Variants in PRKG1 observed in about 807,000 individuals in gnomAD.
PRKG1 encodes protein kinase cGMP-dependent 1.
In PRKG1, 35 loss-of-function variants were observed where a neutral mutation model predicts 88.1. That is an observed-to-expected ratio of 0.40 (90% confidence interval 0.30 to 0.53). PRKG1 has a LOEUF of 0.53. Among genes scored for constraint, PRKG1 ranks in the 20% least tolerant of loss-of-function variants. PRKG1 has a pLI of 0.59. For missense variants in PRKG1, 540 were observed against 839.8 expected (o/e 0.64, Z 4.41); for synonymous variants, 303 against 292.5 (o/e 1.04, Z -0.37).
intron 9 of PRKG1, among the ~76,000 whole-genome samples, chr10:52,238,647 C>G (rs1025033628): frequency 6.7e-6 from 1 of 149,212 alleles, no homozygotes; most frequent in Non-Finnish European, 1.5e-5. Flanking sequence ...GTTAGAATGG[C>G]AATCATTAAA....
intron 5 of PRKG1, among the ~76,000 whole-genome samples, chr10:52,046,344 A>G (rs1845863130): frequency 6.6e-6 from 1 of 152,060 alleles, no homozygotes. Context: ...TACCTTTACA[A>G]ACACTGTTCT....
chr10:51,493,271 T>G (rs1014713859), intron 3 of PRKG1, among the ~76,000 whole-genome samples: 3 of 152,086 alleles, frequency 2.0e-5, no homozygotes, highest in Non-Finnish European at 4.4e-5. Context: ...TGCAGAAAAA[T>G]TTTACTTTGT....
chr10:51,592,785 C>A (rs535966692), intron 3 of PRKG1, among the ~76,000 whole-genome samples: 2 of 152,150 alleles, frequency 1.3e-5, no homozygotes, highest in African/African-American at 4.8e-5. Context: ...TGACTGGGGT[C>A]CAACTCAAAT....
chr10:51,628,068 CCTT>C (rs1839411709), intron 3 of PRKG1, among the ~76,000 whole-genome samples: 1 of 140,274 alleles, frequency 7.1e-6, no homozygotes, highest in Non-Finnish European at 1.6e-5. Context: ...TTCTTTCTTT[CCTT>C]CTTTCTTTCT....
At chr10:51,336,245 C>G (rs1159662836) in intron 2 of PRKG1, among the ~76,000 whole-genome samples, 1 of 152,048 alleles carries the variant, frequency 6.6e-6, no homozygotes, top group East Asian at 1.9e-4. Context: ...CCCAGCTACT[C>G]AGGAGGCTGA....
At chr10:51,890,586 AT>A (rs1315159456) in intron 4 of PRKG1, among the ~76,000 whole-genome samples, 1 of 152,238 alleles carries the variant, frequency 6.6e-6, no homozygotes, top group Non-Finnish European at 1.5e-5. Context: ...GTATTAAATC[AT>A]TTTTTGTAGA....
At chr10:51,085,029 C>T (rs1844212372) in intron 1 of PRKG1, among the ~76,000 whole-genome samples, 1 of 152,104 alleles carries the variant, frequency 6.6e-6, no homozygotes, top group African/African-American at 2.4e-5. Context: ...GACAATGCTT[C>T]TAAGTTTGGA....
chr10:51,786,050 A>T (rs1204545281), intron 3 of PRKG1, among the ~76,000 whole-genome samples: 1 of 152,186 alleles, frequency 6.6e-6, no homozygotes, highest in Non-Finnish European at 1.5e-5. Context: ...TAGATCTGAA[A>T]TTCCTGTAAA....
chr10:52,108,622 G>A lies in PRKG1; in HGVS notation c.936-25218G>A, dbSNP rs144473816. ...ACACCTAGTTTATTCCTCTTATGAT[G>A]TTGTTCACTAAATTATTCTAAGTAA... On this transcript the variant is annotated intron_variant, in intron 7 of 17. Transcript: ENST00000373980. Among the ~76,000 whole-genome samples the A allele has an allele frequency of 1.0e-2, 1,519 of 152,058 alleles. 23 individuals carry two copies. Among genetic ancestry groups the A allele is most frequent in the African/African-American group, 0.031 (1,295 of 41,480 alleles).
chr10:51,747,767 T>A (rs900311566), intron 3 of PRKG1, among the ~76,000 whole-genome samples: 1 of 152,110 alleles, frequency 6.6e-6, no homozygotes, highest in African/African-American at 2.4e-5. Flanking sequence ...ACTTAGGACT[T>A]TTTTTTGGAG....
chr10:51,604,726 G>A (rs1480068521), intron 3 of PRKG1, among the ~76,000 whole-genome samples: 1 of 152,214 alleles, frequency 6.6e-6, no homozygotes, highest in South Asian at 2.1e-4. Flanking sequence ...AAAACCCTAG[G>A]GGGAGCATGC....
intron 3 of PRKG1, among the ~76,000 whole-genome samples, chr10:51,585,936 G>A (rs911165390): frequency 6.6e-6 from 1 of 152,066 alleles, no homozygotes; most frequent in Admixed American, 6.6e-5. Context: ...GGTACACATG[G>A]CCGTAAAGAT....
chr10:51,907,284 T>C (rs190500055), intron 4 of PRKG1, among the ~76,000 whole-genome samples: 29 of 152,246 alleles, frequency 1.9e-4, no homozygotes, highest in Admixed American at 1.7e-3. Flanking sequence ...ACTCCATGCC[T>C]TTTCCCTGTT....
chr10:51,009,815 T>C (rs1842973224), intron 1 of PRKG1, among the ~76,000 whole-genome samples: 1 of 152,218 alleles, frequency 6.6e-6, no homozygotes, highest in Non-Finnish European at 1.5e-5. Context: ...CATTGTTCAA[T>C]ATGGAATCGT....
intron 3 of PRKG1, among the ~76,000 whole-genome samples, chr10:51,606,038 T>G (rs996356306): frequency 1.3e-5 from 2 of 152,196 alleles, no homozygotes; most frequent in Admixed American, 1.3e-4. Context: ...TTAAAAAAAT[T>G]TATCATTTTT....
intron 2 of PRKG1, among the ~76,000 whole-genome samples, chr10:51,200,816 G>A (rs1036505640): frequency 6.6e-6 from 1 of 152,124 alleles, no homozygotes; most frequent in East Asian, 1.9e-4. Flanking sequence ...CCACTGATGG[G>A]TTTAATATGC....
At chr10:51,966,011 A>G (rs1843558905) in intron 5 of PRKG1, among the ~76,000 whole-genome samples, 1 of 152,208 alleles carries the variant, frequency 6.6e-6, no homozygotes, top group Non-Finnish European at 1.5e-5. Context: ...TCAATTATAT[A>G]GTTATGCACC....
chr10:52,058,141 T>G (rs1334227734), intron 6 of PRKG1, among the ~76,000 whole-genome samples: 1 of 152,010 alleles, frequency 6.6e-6, no homozygotes, highest in Non-Finnish European at 1.5e-5. Context: ...ATGGAACTGT[T>G]CTATATCTCT....
chr10:51,852,586 T>C (rs1840587143), intron 4 of PRKG1, among the ~76,000 whole-genome samples: 2 of 152,126 alleles, frequency 1.3e-5, no homozygotes, highest in African/African-American at 4.8e-5. Flanking sequence ...GAAACTCCAG[T>C]CTGTCTGATC....
Sources: gnomAD v4.1 joint callset for allele counts (sites outside exome capture counted in the v4.1 genomes callset) on GRCh38, gnomAD v4.1.1 for gene constraint, MANE v1.5 for transcripts, NCBI Gene and HGNC (gene_info 2026-07-23, HGNC 2026-07-21) for gene names.